The following RBMS3 variants were observed in gnomAD, a reference collection of about 807,000 sequenced individuals.
RBMS3 encodes the protein RNA-binding motif, single-stranded-interacting protein 3.
A neutral mutation model predicts 66.8 loss-of-function variants in RBMS3; 27 were observed. The observed-to-expected ratio is 0.40, with a 90% CI of 0.30 to 0.56. The LOEUF is 0.56. Ranked by LOEUF, RBMS3 falls within the 20% of genes least tolerant of loss-of-function variation. The pLI is 0.40. For synonymous variants in RBMS3, 188 were observed against 183.0 expected, an observed-to-expected ratio of 1.03 and a Z score of -0.22; for missense variants, 513 against 549.5, an observed-to-expected ratio of 0.93 and a Z score of 0.66.
intron 1 of RBMS3, among the ~76,000 whole-genome samples, chr3:29,413,042 A>G (rs2040331533): frequency 6.6e-6 from 1 of 152,186 alleles, no homozygotes; most frequent in African/African-American, 2.4e-5. Flanking sequence ...CTGTTTGGAC[A>G]TTAATATTAT....
chr3:29,840,434 T>G (rs1360620936), intron 6 of RBMS3, among the ~76,000 whole-genome samples: 2 of 152,072 alleles, frequency 1.3e-5, no homozygotes, highest in East Asian at 3.9e-4. Context: ...GAAGATTTCT[T>G]TAATGTTTGA....
intron 4 of RBMS3, among the ~76,000 whole-genome samples, chr3:29,672,691 G>A (rs1353465695): frequency 6.6e-6 from 1 of 152,200 alleles, no homozygotes. Context: ...AGACAAAGAA[G>A]GCCATTACAT....
intron 3 of RBMS3, among the ~76,000 whole-genome samples, chr3:29,574,826 AAAACACAC>A (rs1205218595): frequency 7.6e-6 from 1 of 131,534 alleles, no homozygotes; most frequent in African/African-American, 3.2e-5. Flanking sequence ...ATTGCATAAG[AAAACACAC>A]ACACACACAC....
At chr3:29,324,690 T>G (rs2035213850) in intron 1 of RBMS3, among the ~76,000 whole-genome samples, 1 of 148,816 alleles carries the variant, frequency 6.7e-6, no homozygotes, top group Admixed American at 6.6e-5. Flanking sequence ...CACTAAAGTT[T>G]AATCACTTCC....
chr3:29,570,228 G>T (rs992628689), intron 3 of RBMS3, among the ~76,000 whole-genome samples: 4 of 151,712 alleles, frequency 2.6e-5, no homozygotes, highest in Non-Finnish European at 4.4e-5. Context: ...TATTTATGAG[G>T]TATAGGAGAT....
At chr3:29,893,066 A>G (rs1266996450) in intron 8 of RBMS3, among the ~76,000 whole-genome samples, 1 of 151,210 alleles carries the variant, frequency 6.6e-6, no homozygotes, top group Non-Finnish European at 1.5e-5. Flanking sequence ...GTTTCCTGTA[A>G]ATTCATCTGG....
chr3:29,603,613 G>T (rs1193445671), intron 4 of RBMS3, among the ~76,000 whole-genome samples: 2 of 151,884 alleles, frequency 1.3e-5, no homozygotes, highest in East Asian at 3.9e-4. Context: ...TCCCTCTTTT[G>T]TTTCCTTTCT....
chr3:29,554,702 A>G (rs1473693521), intron 3 of RBMS3, among the ~76,000 whole-genome samples: 1 of 152,170 alleles, frequency 6.6e-6, no homozygotes, highest in Non-Finnish European at 1.5e-5. Flanking sequence ...GAGCTAAAAT[A>G]AAAGTAACAG....
chr3:29,657,481 T>G (rs1407278935), intron 4 of RBMS3, among the ~76,000 whole-genome samples: 2 of 152,370 alleles, frequency 1.3e-5, no homozygotes, highest in African/African-American at 4.8e-5. Context: ...TGAAAATGTT[T>G]ATTGTCAGTA....
intron 1 of RBMS3, among the ~76,000 whole-genome samples, chr3:29,360,918 C>T (rs138277040): frequency 0.18 from 26,819 of 151,838 alleles, 2,580 homozygotes; most frequent in Admixed American, 0.24. Flanking sequence ...TCCCCCATCC[C>T]TTTATTTTGA....
At chr3:29,744,322 T>G (rs1437075836) in intron 5 of RBMS3, among the ~76,000 whole-genome samples, 4 of 152,118 alleles carry the variant, frequency 2.6e-5, no homozygotes, top group Non-Finnish European at 4.4e-5. Flanking sequence ...AGGTTTTGGG[T>G]TTTTTTAAAT....
intron 4 of RBMS3, among the ~76,000 whole-genome samples, chr3:29,691,025 G>C (rs547796877): frequency 6.6e-6 from 1 of 152,240 alleles, no homozygotes; most frequent in South Asian, 2.1e-4. Context: ...CATGTTTGGA[G>C]GATTAGGTAC....
intron 6 of RBMS3, among the ~76,000 whole-genome samples, chr3:29,773,477 A>G (rs2056298292): frequency 6.6e-6 from 1 of 152,080 alleles, no homozygotes; most frequent in African/African-American, 2.4e-5. Flanking sequence ...ACCATTTTCT[A>G]TTGAACTGAG....
intron 1 of RBMS3, among the ~76,000 whole-genome samples, chr3:29,411,938 C>A (rs1339653112): frequency 2.0e-5 from 3 of 151,990 alleles, no homozygotes; most frequent in Admixed American, 1.3e-4. Flanking sequence ...AGTTATTTAC[C>A]AAAATAGTTG....
rs5847589 is a variant in RBMS3, at chr3:29,733,367, C to CTT, written c.400-6344_400-6343dup. ...CGTATCTTTTTCATATAGTTATTTC[C>CTT]TTTTTTTTTTGGATACTTAGTAATG... On this transcript the variant is annotated intron_variant, in intron 4 of 14. Coordinates refer to ENST00000383767, the MANE Select transcript of RBMS3 (RefSeq NM_001003793.3). Among the ~76,000 whole-genome samples, 507 of 148,490 alleles carry CTT rather than the reference C, an allele frequency of 3.4e-3. 5 individuals carry two copies. Among genetic ancestry groups the CTT allele is most frequent in the African/African-American group, 0.012 (473 of 40,534 alleles).
At chr3:29,756,836 C>A (rs1466389668) in intron 5 of RBMS3, among the ~76,000 whole-genome samples, 1 of 152,114 alleles carries the variant, frequency 6.6e-6, no homozygotes, top group Non-Finnish European at 1.5e-5. Context: ...GAAAGAAATG[C>A]ATATGGCCAA....
intron 4 of RBMS3, among the ~76,000 whole-genome samples, chr3:29,674,151 AC>A (rs755746786): frequency 2.6e-5 from 4 of 152,164 alleles, no homozygotes; most frequent in Non-Finnish European, 4.4e-5. Flanking sequence ...AAAGACAAAA[AC>A]CACATGATTA....
At chr3:29,734,888 T>C (rs1168925218) in intron 4 of RBMS3, among the ~76,000 whole-genome samples, 2 of 152,134 alleles carry the variant, frequency 1.3e-5, no homozygotes, top group African/African-American at 4.8e-5. Flanking sequence ...TACAAATATA[T>C]TGATCCATGG....
chr3:29,795,820 A>G (rs537060535), intron 6 of RBMS3, among the ~76,000 whole-genome samples: 1 of 152,336 alleles, frequency 6.6e-6, no homozygotes, highest in East Asian at 1.9e-4. Flanking sequence ...TGACCCATCA[A>G]TTCACTGATT....
Sources: gnomAD v4.1 joint callset for allele counts (sites outside exome capture counted in the v4.1 genomes callset) on GRCh38, gnomAD v4.1.1 for gene constraint, MANE v1.5 for transcripts, NCBI Gene and HGNC (gene_info 2026-07-23, HGNC 2026-07-21) for gene names.